Variants in ARHGEF10L observed in about 807,000 individuals in gnomAD.
The protein encoded by ARHGEF10L is Rho guanine nucleotide exchange factor 10 like.
In ARHGEF10L, 69 loss-of-function variants were observed where a neutral mutation model predicts 141.2. The ratio of observed to expected loss-of-function variants is 0.49; its 90% CI spans 0.40 to 0.60. The LOEUF (loss-of-function observed/expected upper bound fraction) is 0.60. ARHGEF10L is among the 20% of genes least tolerant of loss of function. ARHGEF10L has a pLI of 0.00. For synonymous variants in ARHGEF10L, 711 were observed against 718.5 expected (o/e 0.99, Z 0.17); for missense variants, 1,482 against 1,734.3 (o/e 0.85, Z 2.58).
chr1:17,599,801 A>C (rs1453229985), intron 4 of ARHGEF10L, among the ~76,000 whole-genome samples: 2 of 152,190 alleles, frequency 1.3e-5, no homozygotes, highest in Non-Finnish European at 2.9e-5. Context: ...TTGCTCCTCT[A>C]ATAGGGCAGG....
rs193125844 is a variant in ARHGEF10L at position 17,649,074 on chromosome 1, G to A, written c.2394+399G>A. Among the ~76,000 whole-genome samples the A allele has an allele frequency of 5.9e-5, 9 of 152,190 alleles. No individual in the cohort carries two copies. In the South Asian group the frequency reaches 8.3e-4, roughly 14 times the overall value. ...TGCCCTCATCATGGAATGCTCCAGC[G>A]CCATCAGGCCTCCCGTGTATTGAGC... is the stretch of plus-strand genomic sequence containing the variant. On this transcript the variant is annotated intron_variant, in intron 22 of 28. Coordinates refer to ENST00000361221, the MANE Select transcript of ARHGEF10L (RefSeq NM_018125.4).
intron 4 of ARHGEF10L, among the ~76,000 whole-genome samples, chr1:17,590,535 G>A (rs976501790): frequency 2.0e-5 from 3 of 152,156 alleles, no homozygotes; most frequent in Non-Finnish European, 4.4e-5. Flanking sequence ...TATGGGGACA[G>A]GGACTTTTTG....
In ARHGEF10L at chr1:17,695,247, G is replaced by A. The variant is rs1165851186; in HGVS notation, c.3274G>A (p.Val1092Met). The A allele has an allele frequency of 3.1e-6, 5 of 1,600,992 alleles. No homozygotes were observed. Among genetic ancestry groups the A allele is most frequent in the African/African-American group, 1.3e-5 (1 of 74,670 alleles). ...CCAGGGTGTCATCGTCCTGCTGCCC[G>A]TGCCTCGGCTGGAAGGCATCCCCAA... The part of the protein sequence containing the change: ...TDQGVIVLLP[V>M]PRLEGIPKIT... The change falls in exon 28 of 29, where the codon GTG (valine) becomes ATG (methionine). Residue 1092 changes from valine (V) to methionine (M), a missense_variant. Physicochemically the swap from Val to Met is conservative, Grantham distance 21. Around this residue, in one of 3 missense-constraint regions of ARHGEF10L, gnomAD observed 858 missense variants for 966.3 expected, o/e 0.89. Coordinates refer to ENST00000361221, the MANE Select transcript of ARHGEF10L (RefSeq NM_018125.4).
At chr1:17,626,506 G>A (rs953957116) in intron 14 of ARHGEF10L, among the ~76,000 whole-genome samples, 2 of 152,136 alleles carry the variant, frequency 1.3e-5, no homozygotes, top group African/African-American at 4.8e-5. Context: ...CCCTCATCAG[G>A]GAGCTGAGAG....
chr1:17,637,272 G>A (rs1449270346), intron 18 of ARHGEF10L, among the ~76,000 whole-genome samples: 4 of 152,146 alleles, frequency 2.6e-5, no homozygotes, highest in Admixed American at 6.5e-5. Flanking sequence ...CTTTGCACAC[G>A]CTCTTGTCTT....
At chr1:17,582,621 G>A (rs899202863) in intron 2 of ARHGEF10L, among the ~76,000 whole-genome samples, 4 of 152,218 alleles carry the variant, frequency 2.6e-5, no homozygotes, top group African/African-American at 9.6e-5. Flanking sequence ...CCACGCTTTA[G>A]TTGGAGCTTG....
At chr1:17,596,845 A>G (rs2080158798) in intron 4 of ARHGEF10L, among the ~76,000 whole-genome samples, 1 of 152,196 alleles carries the variant, frequency 6.6e-6, no homozygotes, top group African/African-American at 2.4e-5. Flanking sequence ...TGAGGTCAGG[A>G]GTTCAAGACC....
chr1:17,553,041 G>A (rs1031917528), intron 1 of ARHGEF10L, among the ~76,000 whole-genome samples: 1 of 152,166 alleles, frequency 6.6e-6, no homozygotes, highest in Non-Finnish European at 1.5e-5. Flanking sequence ...TTATCACGAA[G>A]ACTTGGAGCT....
chr1:17,671,189 G>A (rs1024682357), intron 26 of ARHGEF10L, among the ~76,000 whole-genome samples: 3 of 152,260 alleles, frequency 2.0e-5, no homozygotes, highest in Admixed American at 2.0e-4. Context: ...GGAGCCGCCT[G>A]TGCAGGGCGG....
At chr1:17,664,319 G>A in intron 25 of ARHGEF10L, 128 bp from the exon 26 acceptor site, 1 of 1,085,766 alleles carries the variant, frequency 9.2e-7, no homozygotes, top group Non-Finnish European at 1.3e-6. Flanking sequence ...CTGATGGAGA[G>A]AGAAAGGCCC....
intron 26 of ARHGEF10L, among the ~76,000 whole-genome samples, chr1:17,683,299 C>A (rs1481137451): frequency 1.8e-5 from 2 of 109,810 alleles, no homozygotes; most frequent in Non-Finnish European, 3.9e-5. Context: ...GCTCACTGCC[C>A]CCTGCTCTCA....
Position 17,637,909 on chromosome 1 carries a change from C to T in ARHGEF10L, c.1949C>T (p.Pro650Leu). Residue 650 changes from proline to leucine, a missense_variant, in exon 19 of 29, where the codon CCA becomes CTA. By Grantham distance (98) the Pro-to-Leu change is moderately conservative. Transcript: ENST00000361221. ...QAQNKVYLGP[P>L]RLFQELQDLQ... Reference sequence around the variant, plus strand: ...CCAGATAAGGTGTACCTCGGCCCCCCACGCCTCTTCCAGGAGCTGCAGGAC... The same window carrying T: ...CCAGATAAGGTGTACCTCGGCCCCCTACGCCTCTTCCAGGAGCTGCAGGAC... 1.3e-6 allele frequency: 2 copies of T among 1,594,864 alleles called. No homozygotes were observed. Among genetic ancestry groups the T allele is most frequent in the South Asian group, 1.1e-5 (1 of 87,410 alleles).
chr1:17,560,755 G>C (rs545136399), intron 1 of ARHGEF10L, among the ~76,000 whole-genome samples: 1 of 152,190 alleles, frequency 6.6e-6, no homozygotes, highest in African/African-American at 2.4e-5. Flanking sequence ...AGTAGAGGTG[G>C]GGTTTCTCCA....
intron 2 of ARHGEF10L, among the ~76,000 whole-genome samples, chr1:17,581,510 A>G (rs11203425): frequency 0.95 from 145,128 of 152,218 alleles, 69,221 homozygotes; most frequent in East Asian, 1. Flanking sequence ...TCACCCAGGC[A>G]GCAGCTTCCT....
At chr1:17,590,803 A>T (rs945112329) in intron 4 of ARHGEF10L, among the ~76,000 whole-genome samples, 1 of 152,196 alleles carries the variant, frequency 6.6e-6, no homozygotes, top group Admixed American at 6.5e-5. Context: ...CCTGGCCAAC[A>T]TGGTGAAACC....
intron 1 of ARHGEF10L, among the ~76,000 whole-genome samples, chr1:17,564,395 G>A (rs2077666222): frequency 6.6e-6 from 1 of 152,168 alleles, no homozygotes; most frequent in African/African-American, 2.4e-5. Context: ...CTGGTCTTGG[G>A]CACTTGATCT....
chr1:17,660,218 C>A (rs1385541347), intron 25 of ARHGEF10L, among the ~76,000 whole-genome samples: 1 of 152,146 alleles, frequency 6.6e-6, no homozygotes, highest in African/African-American at 2.4e-5. Flanking sequence ...GGTGGGGATG[C>A]GGGACTATCC....
rs183522619 is a variant in ARHGEF10L, at chr1:17,689,117, C to A, written c.3184+1370C>A. ...GCCGGGCGTCTTGCTCGTGGTCATGCAGTAGACCAGAGGCAGGACCACAGT... is the reference window on the plus strand; with the variant it reads ...GCCGGGCGTCTTGCTCGTGGTCATGAAGTAGACCAGAGGCAGGACCACAGT... On this transcript the variant is annotated intron_variant, in intron 27 of 28. Transcript: ENST00000361221. Among the ~76,000 whole-genome samples the A allele has an allele frequency of 2.8e-3, 423 of 152,216 alleles. 3 individuals carry two copies. Among genetic ancestry groups the A allele is most frequent in the Admixed American group, 5.2e-3 (80 of 15,300 alleles).
chr1:17,524,590 G>A, the ARHGEF10L span, among the ~76,000 whole-genome samples: 1 of 152,092 alleles, frequency 6.6e-6, no homozygotes, highest in African/African-American at 2.4e-5. Context: ...TGTTATATAT[G>A]TGTATGTATA....
Sources: allele counts gnomAD v4.1 joint callset (sites outside exome capture counted in the v4.1 genomes callset), GRCh38; gene constraint gnomAD v4.1.1; regional missense constraint gnomAD v4.1.1; transcripts MANE v1.5; gene names NCBI Gene and HGNC (gene_info 2026-07-23, HGNC 2026-07-21).